The following MOB1B variants were observed in gnomAD, a reference collection of about 807,000 sequenced individuals.
MOB1B encodes the protein MOB kinase activator 1B, also known as MOB1 Mps One Binder homolog B.
A neutral mutation model predicts 24.4 loss-of-function variants in MOB1B; 19 were observed. The observed-to-expected ratio is 0.78, with a 90% CI of 0.54 to 1.14. MOB1B has a LOEUF of 1.14. Among genes scored for constraint, MOB1B ranks in the 50% most tolerant of loss-of-function variants. The probability of loss-of-function intolerance (pLI) is 0.00; values close to 1 mark genes in which losing one functional copy is unlikely to be tolerated. For missense variants in MOB1B, 243 were observed against 259.6 expected (o/e 0.94, Z 0.44); for synonymous variants, 76 against 82.1 (o/e 0.93, Z 0.40).
chr4:70,942,364 G>T (rs1737385080), intron 1 of MOB1B, among the ~76,000 whole-genome samples: 1 of 151,684 alleles, frequency 6.6e-6, no homozygotes, highest in South Asian at 2.1e-4. Flanking sequence ...TATTAAAGTG[G>T]AATTGCCATT....
chr4:70,927,007 A>C (rs1736684820), intron 1 of MOB1B, among the ~76,000 whole-genome samples: 1 of 150,918 alleles, frequency 6.6e-6, no homozygotes, highest in African/African-American at 2.4e-5. Flanking sequence ...AAAAAAGAAA[A>C]AAAAAAAAAG....
At chr4:70,908,108 C>T (rs866546291) in intron 1 of MOB1B, among the ~76,000 whole-genome samples, 3 of 151,738 alleles carry the variant, frequency 2.0e-5, no homozygotes, top group Middle Eastern at 3.4e-3. Context: ...TCACTGCAAC[C>T]TCCACCTCCC....
chr4:70,987,292 TATTAA>T lies in MOB1B; in HGVS notation c.*5239_*5243del, dbSNP rs1350187256. The T allele has an allele frequency of 1.3e-5, 2 of 151,928 alleles. No individual in the cohort carries two copies. Among genetic ancestry groups the T allele is most frequent in the Admixed American group, 6.5e-5 (1 of 15,282 alleles). 9.4% of individuals were successfully genotyped at this position (151,928 alleles called of 1,614,324 possible). On this transcript the variant is annotated 3_prime_UTR_variant, in exon 6 of 6. Coordinates refer to ENST00000309395, the MANE Select transcript of MOB1B (RefSeq NM_173468.4). ...ATTTAATTTCTCTATATATTATTAA[TATTAA>T]ATTGTTTTTTACTTATAAATTCATG... is the stretch of plus-strand genomic sequence containing the variant.
chr4:70,935,847 A>ATTTTTTTTTTTTTTT (rs11395356), intron 1 of MOB1B, among the ~76,000 whole-genome samples: 11 of 100,386 alleles, frequency 1.1e-4, no homozygotes, highest in African/African-American at 4.1e-4. Context: ...TGGTACACTA[A>ATTTTTTTTTTTTTTT]TTTTTTTTTT....
chr4:70,980,873 A>C (rs1429294669), intron 5 of MOB1B, among the ~76,000 whole-genome samples: 1 of 152,032 alleles, frequency 6.6e-6, no homozygotes, highest in Non-Finnish European at 1.5e-5. Context: ...ACATTACCCA[A>C]AGTGTCCACA....
chr4:70,902,613 C>G (rs919330478), intron 1 of MOB1B, 63 bp downstream of exon 1: 1 of 1,476,008 alleles, frequency 6.8e-7, no homozygotes. Flanking sequence ...CCGCCCGCCG[C>G]CCGCCGCCCG....
chr4:70,903,308 T>C (rs1735595857), intron 1 of MOB1B, among the ~76,000 whole-genome samples: 1 of 152,208 alleles, frequency 6.6e-6, no homozygotes, highest in East Asian at 1.9e-4. Context: ...TTGAAAATCA[T>C]TTGTAAATGC....
At chr4:70,903,836 A>C (rs892935268) in intron 1 of MOB1B, among the ~76,000 whole-genome samples, 66 of 152,036 alleles carry the variant, frequency 4.3e-4, no homozygotes, top group Admixed American at 1.3e-4. Flanking sequence ...GCTTGTGTCA[A>C]CTTGCCTAAA....
rs548821579 is a variant in MOB1B, at chr4:70,947,282, T to C, written c.15-11592T>C. 5.3e-5 allele frequency among the ~76,000 whole-genome samples: 8 copies of C among 152,280 alleles called. No individual in the cohort carries two copies. The South Asian group carries it at 1.5e-3, about 28-fold the overall frequency. ...TTCTTATTGTTGATTTTTGTTTTTC[T>C]TTTTAGAATCAGGGTCTCACTCTGT... is the stretch of plus-strand genomic sequence containing the variant. On this transcript the variant is annotated intron_variant, in intron 1 of 5. Coordinates refer to ENST00000309395, the MANE Select transcript of MOB1B (RefSeq NM_173468.4).
intron 3 of MOB1B, among the ~76,000 whole-genome samples, chr4:70,972,648 C>T (rs990423069): frequency 7.2e-5 from 11 of 152,042 alleles, no homozygotes; most frequent in South Asian, 2.1e-4. Context: ...AAAGGCATCG[C>T]GGCAAAATAG....
At chr4:70,911,147 G>T (rs1735969903) in intron 1 of MOB1B, among the ~76,000 whole-genome samples, 1 of 152,006 alleles carries the variant, frequency 6.6e-6, no homozygotes. Flanking sequence ...TATACAAATG[G>T]ATTTCCACCG....
At chr4:70,945,178 A>G (rs987813138) in intron 1 of MOB1B, among the ~76,000 whole-genome samples, 2 of 152,196 alleles carry the variant, frequency 1.3e-5, no homozygotes, top group African/African-American at 4.8e-5. Context: ...CATATATCCT[A>G]TGAAACCTAA....
chr4:70,975,505 C>T (rs1738945202), intron 4 of MOB1B: 2 of 1,222,966 alleles, frequency 1.6e-6, no homozygotes, highest in African/African-American at 1.6e-5. Flanking sequence ...TCCCCTTTAA[C>T]TTAGTGCTTT....
chr4:70,978,351 C>T (rs1033814671), intron 4 of MOB1B, among the ~76,000 whole-genome samples: 2 of 152,132 alleles, frequency 1.3e-5, no homozygotes, highest in Non-Finnish European at 2.9e-5. Context: ...GGGTTGTTTC[C>T]ATATCTTGGC....
intron 1 of MOB1B, among the ~76,000 whole-genome samples, chr4:70,929,855 G>A (rs898883477): frequency 1.3e-5 from 2 of 151,444 alleles, no homozygotes; most frequent in Non-Finnish European, 2.9e-5. Context: ...CCGTGGTCTC[G>A]ATCTCCTGAC....
chr4:70,905,128 A>G (rs1481202029), intron 1 of MOB1B, among the ~76,000 whole-genome samples: 1 of 152,240 alleles, frequency 6.6e-6, no homozygotes, highest in African/African-American at 2.4e-5. Flanking sequence ...GTCTACCGTC[A>G]ATTAAAAATC....
intron 4 of MOB1B, chr4:70,976,304 A>G: frequency 1.0e-6 from 1 of 985,008 alleles, no homozygotes; most frequent in Non-Finnish European, 1.2e-6. Context: ...TTATTTAGGG[A>G]AGTTCATATG....
intron 1 of MOB1B, among the ~76,000 whole-genome samples, chr4:70,942,638 G>T (rs982994941): frequency 3.3e-5 from 5 of 152,200 alleles, no homozygotes; most frequent in African/African-American, 9.6e-5. Context: ...TTATCTAAAA[G>T]ATATGTCTAT....
intron 1 of MOB1B, among the ~76,000 whole-genome samples, chr4:70,939,747 G>A (rs1216531068): frequency 2.6e-5 from 4 of 152,200 alleles, no homozygotes; most frequent in Admixed American, 2.0e-4. Context: ...GTTACCCGGT[G>A]CTCTTTTAGT....
Sources: gnomAD v4.1 joint callset for allele counts (sites outside exome capture counted in the v4.1 genomes callset) on GRCh38, gnomAD v4.1.1 for gene constraint, MANE v1.5 for transcripts, NCBI Gene and HGNC (gene_info 2026-07-23, HGNC 2026-07-21) for gene names.